The following DNASE2B variants were observed in gnomAD, a reference collection of about 807,000 sequenced individuals.
The protein encoded by DNASE2B is deoxyribonuclease-2-beta.
In DNASE2B, 43 loss-of-function variants were observed where a neutral mutation model predicts 46.0. That is an observed-to-expected ratio of 0.94 (90% confidence interval 0.73 to 1.21). The LOEUF is 1.21. Ranked by LOEUF, DNASE2B falls within the 50% of genes most tolerant of loss-of-function variation. The pLI, the probability that DNASE2B is intolerant of heterozygous loss-of-function variation, is 0.00. For missense variants in DNASE2B, 395 were observed against 414.4 expected (o/e 0.95, Z 0.41); for synonymous variants, 156 against 152.5 (o/e 1.02, Z -0.17).
intron 5 of DNASE2B, among the ~76,000 whole-genome samples, 156 bp from the exon 6 acceptor site, chr1:84,414,372 T>C (rs900905694): frequency 6.6e-6 from 1 of 152,234 alleles, no homozygotes; most frequent in Admixed American, 6.5e-5. Flanking sequence ...ATTTACAAAA[T>C]GTTTTCTCAT....
intron 2 of DNASE2B, among the ~76,000 whole-genome samples, chr1:84,403,686 A>G (rs530875234): frequency 2.8e-4 from 43 of 152,310 alleles, no homozygotes; most frequent in Admixed American, 1.8e-3. Context: ...CATTTCTCCA[A>G]AAATGTTTCT....
intron 2 of DNASE2B, 69 bp downstream of exon 2, chr1:84,402,147 CAG>C: frequency 1.6e-5 from 24 of 1,476,210 alleles, no homozygotes; most frequent in Non-Finnish European, 2.2e-5. Flanking sequence ...AAGCCTTCAC[CAG>C]AGTTTTCTGT....
rs894760168 is a variant in DNASE2B at position 84,412,230 on chromosome 1, A to G, written c.548-119A>G. 2.1e-4 allele frequency: 203 copies of G among 947,778 alleles called. 1 individual carries two copies. Among genetic ancestry groups the G allele is most frequent in the Middle Eastern group, 2.0e-3 (7 of 3,418 alleles). The allele number at this position is 947,778 out of a possible 1,614,324, so 58.7% of individuals were successfully genotyped here. A position where few individuals can be genotyped will look rare whatever the true frequency, so the allele number is the denominator to read the frequency against. On this transcript the variant is annotated intron_variant, in intron 4 of 5. Coordinates refer to ENST00000370665, the MANE Select transcript of DNASE2B (RefSeq NM_021233.3). ...ATTTGAAGGCTATTGGTTTAAAGAA[A>G]GAAATGCCTTTGTTTTTGTGTTGTT...
At chr1:84,407,905 G>A (rs536174345) in intron 2 of DNASE2B, among the ~76,000 whole-genome samples, 2 of 152,176 alleles carry the variant, frequency 1.3e-5, no homozygotes, top group South Asian at 2.1e-4. Flanking sequence ...CTCTCATAAT[G>A]GGAGGAAGGG....
chr1:84,403,440 G>C (rs938948770), intron 2 of DNASE2B, among the ~76,000 whole-genome samples: 7 of 152,066 alleles, frequency 4.6e-5, no homozygotes, highest in African/African-American at 1.7e-4. Flanking sequence ...TTAAGGAAGA[G>C]AGAATATATT....
intron 2 of DNASE2B, among the ~76,000 whole-genome samples, chr1:84,406,379 G>A (rs1680490230): frequency 6.6e-6 from 1 of 152,100 alleles, no homozygotes; most frequent in Non-Finnish European, 1.5e-5. Context: ...GCCTTCACTT[G>A]CCGGAATACA....
rs1187975053 is a variant in DNASE2B, at chr1:84,412,558, C to A, written c.745+12C>A. On this transcript the variant is annotated intron_variant, in intron 5 of 5. Coordinates refer to ENST00000370665, the MANE Select transcript of DNASE2B (RefSeq NM_021233.3). ...TTCTTTTCTTGACGGTATGAAAGAC[C>A]ATCATCAAACAACATGCTGTATAAT... The A allele has an allele frequency of 3.1e-6, 5 of 1,591,546 alleles. No individual in the cohort carries two copies. The highest frequency in any genetic ancestry group is 4.3e-6 in the Non-Finnish European group (5 of 1,165,406).
chr1:84,399,756 T>TG (rs987993058), intron 1 of DNASE2B, among the ~76,000 whole-genome samples: 13 of 152,010 alleles, frequency 8.6e-5, no homozygotes, highest in Admixed American at 7.2e-4. Flanking sequence ...GTTAGAGAGG[T>TG]GGGGACAGCC....
rs557486697 is a variant in DNASE2B, at chr1:84,414,364, T to A, written c.746-164T>A. On this transcript the variant is annotated intron_variant, in intron 5 of 5. Coordinates refer to ENST00000370665, the MANE Select transcript of DNASE2B (RefSeq NM_021233.3). ...TTACATTTGCACATCACTTTAGCAT[T>A]TACAAAATGTTTTCTCATCCACTAT... Among the ~76,000 whole-genome samples the A allele has an allele frequency of 3.3e-5, 5 of 152,338 alleles. No individual in the cohort carries two copies. In the South Asian group the frequency reaches 1.0e-3, roughly 32 times the overall value.
At chr1:84,402,338 T>C (rs1409136546) in intron 2 of DNASE2B, among the ~76,000 whole-genome samples, 3 of 152,200 alleles carry the variant, frequency 2.0e-5, no homozygotes, top group Admixed American at 2.0e-4. Flanking sequence ...GTGAATTAAT[T>C]GTATATTGAA....
At chr1:84,400,112 TA>T (rs1218781366) in intron 1 of DNASE2B, among the ~76,000 whole-genome samples, 1 of 152,142 alleles carries the variant, frequency 6.6e-6, no homozygotes, top group Non-Finnish European at 1.5e-5. Context: ...CTCACGCCTG[TA>T]AGCCCAGCAC....
chr1:84,409,255 A>G (rs1680546128), intron 3 of DNASE2B, among the ~76,000 whole-genome samples: 1 of 152,076 alleles, frequency 6.6e-6, no homozygotes, highest in Non-Finnish European at 1.5e-5. Flanking sequence ...CCTTTTTTCA[A>G]TTTCATATAT....
chr1:84,410,840 T>C lies in DNASE2B; in HGVS notation c.388T>C (p.Leu130=). 1 of 1,612,202 alleles carries C rather than the reference T, an allele frequency of 6.2e-7. No individual in the cohort carries two copies. Among genetic ancestry groups the C allele is most frequent in the Non-Finnish European group, 8.5e-7 (1 of 1,179,352 alleles). ...TTTGTTAAATGTGTCTTTGGTAGGT[T>C]TACTGCTGTGGAACAGAGTTCAAGG... The part of the protein sequence containing the change: ...YSRKYGHTKG[L]LLWNRVQGFW... The change falls in exon 4 of 6, where the codon TTA becomes CTA. Residue 130 remains leucine, a splice_region_variant and synonymous_variant. Transcript: ENST00000370665.
intron 5 of DNASE2B, 148 bp downstream of exon 5, chr1:84,412,694 T>A: frequency 1.2e-6 from 1 of 800,500 alleles, no homozygotes; most frequent in Non-Finnish European, 1.8e-6. Context: ...CACGGATCAG[T>A]TCAAACATCA....
chr1:84,414,891 C>T lies in DNASE2B; in HGVS notation c.*23C>T. 1 of 1,561,208 alleles carries T rather than the reference C, an allele frequency of 6.4e-7. No homozygotes were observed. The highest frequency in any genetic ancestry group is 8.8e-7 in the Non-Finnish European group (1 of 1,142,854). ...TAAACTTGGTGAAAGGACACAGGTA[C>T]TATCATTGAAAACCTTGACAATGGG... On this transcript the variant is annotated 3_prime_UTR_variant, in exon 6 of 6. Transcript: ENST00000370665.
intron 1 of DNASE2B, among the ~76,000 whole-genome samples, chr1:84,401,498 A>C (rs1680419453): frequency 6.6e-6 from 1 of 152,216 alleles, no homozygotes; most frequent in African/African-American, 2.4e-5. Context: ...AGCTTATGAC[A>C]GGGGCTCAAA....
chr1:84,399,022 C>T (rs763985587), intron 1 of DNASE2B, among the ~76,000 whole-genome samples: 20 of 152,234 alleles, frequency 1.3e-4, no homozygotes, highest in Non-Finnish European at 2.1e-4. Flanking sequence ...CCTAACAGAA[C>T]ACTTCCAACA....
intron 5 of DNASE2B, among the ~76,000 whole-genome samples, chr1:84,413,621 T>C (rs1221353187): frequency 1.3e-5 from 2 of 152,230 alleles, no homozygotes; most frequent in Non-Finnish European, 2.9e-5. Flanking sequence ...GGTTGCCATG[T>C]GGCCCCTACC....
At chr1:84,403,964 T>C (rs1211386220) in intron 2 of DNASE2B, among the ~76,000 whole-genome samples, 12 of 148,650 alleles carry the variant, frequency 8.1e-5, no homozygotes, top group Non-Finnish European at 1.6e-4. Context: ...TTTTTTTTTT[T>C]TTTTTTTTTG....
Sources: allele counts gnomAD v4.1 joint callset (sites outside exome capture counted in the v4.1 genomes callset), GRCh38; gene constraint gnomAD v4.1.1; transcripts MANE v1.5; gene names NCBI Gene and HGNC (gene_info 2026-07-23, HGNC 2026-07-21).